TMEM132D: variants seen among roughly 807,000 people sequenced by gnomAD.
TMEM132D encodes transmembrane protein 132D, also known as mature OL transmembrane protein.
TMEM132D carries 21 observed loss-of-function variants against 62.3 expected under a neutral mutation model. The observed-to-expected ratio is 0.34, with a 90% CI of 0.24 to 0.49. The LOEUF is 0.49. TMEM132D is among the 20% of genes least tolerant of loss of function. The probability of loss-of-function intolerance (pLI) is 0.99; values close to 1 mark genes in which losing one functional copy is unlikely to be tolerated. For synonymous variants in TMEM132D, 621 were observed against 575.6 expected (o/e 1.08, Z -1.13); for missense variants, 1,346 against 1,402.8 (o/e 0.96, Z 0.65).
chr12:129,431,278 C>T (rs1398026128), intron 3 of TMEM132D, among the ~76,000 whole-genome samples: 2 of 152,194 alleles, frequency 1.3e-5, no homozygotes, highest in Non-Finnish European at 2.9e-5. Flanking sequence ...CTGTGTTGTT[C>T]CCACTGCCAT....
At chr12:129,740,166 C>T (rs1225683850) in intron 1 of TMEM132D, among the ~76,000 whole-genome samples, 1 of 152,112 alleles carries the variant, frequency 6.6e-6, no homozygotes, top group Non-Finnish European at 1.5e-5. Context: ...TAACACTGAC[C>T]ATATCGTTGT....
intron 4 of TMEM132D, among the ~76,000 whole-genome samples, chr12:129,334,456 A>C (rs777341407): frequency 6.6e-6 from 1 of 150,826 alleles, no homozygotes; most frequent in Non-Finnish European, 1.5e-5. Context: ...CTCTTTTACC[A>C]ACCAAGTCAA....
intron 1 of TMEM132D, among the ~76,000 whole-genome samples, chr12:129,888,546 TA>T (rs765848864): frequency 4.0e-5 from 6 of 151,470 alleles, no homozygotes; most frequent in African/African-American, 7.3e-5. Context: ...AAAAATACAA[TA>T]AAAAAAATTA....
intron 2 of TMEM132D, among the ~76,000 whole-genome samples, chr12:129,672,822 A>G (rs185544678): frequency 1.3e-5 from 2 of 152,308 alleles, no homozygotes; most frequent in Admixed American, 1.3e-4. Context: ...ATCTCGGCTC[A>G]CTGCAACCTC....
intron 4 of TMEM132D, among the ~76,000 whole-genome samples, chr12:129,259,697 T>C (rs1370378095): frequency 2.6e-5 from 4 of 152,102 alleles, no homozygotes; most frequent in African/African-American, 9.7e-5. Flanking sequence ...ACAGACTAAA[T>C]TGGCAGCTGT....
At chr12:129,614,537 T>C (rs899295792) in intron 2 of TMEM132D, among the ~76,000 whole-genome samples, 31 of 152,332 alleles carry the variant, frequency 2.0e-4, no homozygotes, top group African/African-American at 7.2e-4. Flanking sequence ...GTCTGGAGTT[T>C]AAATCCCAAT....
chr12:129,355,546 G>A (rs1209660114), intron 3 of TMEM132D, among the ~76,000 whole-genome samples: 1 of 152,124 alleles, frequency 6.6e-6, no homozygotes, highest in Non-Finnish European at 1.5e-5. Flanking sequence ...GAGAGAAGGC[G>A]AATCTAGTAT....
chr12:129,100,710 T>A (rs1320697774), intron 5 of TMEM132D, among the ~76,000 whole-genome samples: 1 of 152,250 alleles, frequency 6.6e-6, no homozygotes, highest in Non-Finnish European at 1.5e-5. Flanking sequence ...GTGACTTGGA[T>A]AAGCCATCTT....
chr12:129,353,474 T>A (rs1786495102), intron 3 of TMEM132D, among the ~76,000 whole-genome samples: 2 of 152,090 alleles, frequency 1.3e-5, no homozygotes, highest in African/African-American at 4.8e-5. Flanking sequence ...AAGAGTCCCA[T>A]CCTGCCAGCC....
chr12:129,344,932 G>A (rs937252113), intron 3 of TMEM132D, among the ~76,000 whole-genome samples: 2 of 152,102 alleles, frequency 1.3e-5, no homozygotes, highest in Admixed American at 1.3e-4. Context: ...TTAGATAGAT[G>A]TGGTTACGTT....
intron 2 of TMEM132D, among the ~76,000 whole-genome samples, chr12:129,671,166 A>G (rs1317661590): frequency 1.3e-5 from 2 of 152,200 alleles, no homozygotes; most frequent in African/African-American, 2.4e-5. Flanking sequence ...AGGAAAATGG[A>G]AAAGTAAAAA....
chr12:129,797,921 G>C (rs1172241542), intron 1 of TMEM132D, among the ~76,000 whole-genome samples: 1 of 152,192 alleles, frequency 6.6e-6, no homozygotes, highest in Non-Finnish European at 1.5e-5. Context: ...CCCAGTGTTG[G>C]AGGTGGGAAC....
chr12:129,124,821 C>T (rs1237336747), intron 5 of TMEM132D, among the ~76,000 whole-genome samples: 1 of 152,140 alleles, frequency 6.6e-6, no homozygotes, highest in South Asian at 2.1e-4. Context: ...TTTTTGGAAA[C>T]TGCTTGGTCT....
Position 129,089,141 on chromosome 12 carries a change from T to C in TMEM132D, c.1444-4439A>G, listed in dbSNP as rs374558557. Among the ~76,000 whole-genome samples the C allele has an allele frequency of 8.6e-4, 24 of 27,898 alleles. 3 individuals carry two copies. The highest frequency in any genetic ancestry group is 1.6e-3 in the South Asian group (1 of 634). 18.3% of individuals were successfully genotyped at this position (27,898 alleles called of 152,430 possible). A position where few individuals can be genotyped will look rare whatever the true frequency, so the allele number is the denominator to read the frequency against. On this transcript the variant is annotated intron_variant, in intron 5 of 8. Coordinates refer to ENST00000422113, the MANE Select transcript of TMEM132D (RefSeq NM_133448.3). ...GTGTCCTCTATGACCGGGTGTCCTC[T>C]ATGACCGGGTGTCCTCCCTGACCGG...
intron 1 of TMEM132D, among the ~76,000 whole-genome samples, chr12:129,756,314 CA>C (rs1398144191): frequency 2.6e-5 from 4 of 152,158 alleles, no homozygotes; most frequent in Admixed American, 6.5e-5. Context: ...AACTCTGAAT[CA>C]GGCATATCCA....
At chr12:129,813,229 T>TG (rs2137317578) in intron 1 of TMEM132D, among the ~76,000 whole-genome samples, 1 of 151,914 alleles carries the variant, frequency 6.6e-6, no homozygotes, top group East Asian at 2.0e-4. Flanking sequence ...GTCCTCATCT[T>TG]GTTGGTGGAC....
At position 129,570,471 on chromosome 12, in the gene TMEM132D, G is replaced by A. The variant is rs537184804; in HGVS notation, c.969-39266C>T. On this transcript the variant is annotated intron_variant, in intron 2 of 8. Coordinates refer to ENST00000422113, the MANE Select transcript of TMEM132D (RefSeq NM_133448.3). ...GAAAGATGAGGAGTAAGACCTAAAA[G>A]GAACCACAGGTTCGTGACCAAGAAA... Among the ~76,000 whole-genome samples the A allele has an allele frequency of 2.0e-3, 300 of 152,326 alleles. 3 individuals are homozygous for A. Among genetic ancestry groups the A allele is most frequent in the South Asian group, 0.016 (76 of 4,824 alleles).
intron 3 of TMEM132D, among the ~76,000 whole-genome samples, chr12:129,376,294 G>A (rs1313687362): frequency 6.6e-6 from 1 of 152,172 alleles, no homozygotes; most frequent in East Asian, 1.9e-4. Context: ...CATGGTTGGG[G>A]AGGCTGCAGA....
intron 1 of TMEM132D, among the ~76,000 whole-genome samples, chr12:129,705,932 A>C (rs1881496969): frequency 6.6e-6 from 1 of 152,140 alleles, no homozygotes. Flanking sequence ...ATATCAGTAG[A>C]TATGGCTTTA....
Sources: allele counts gnomAD v4.1 joint callset (sites outside exome capture counted in the v4.1 genomes callset), GRCh38; gene constraint gnomAD v4.1.1; transcripts MANE v1.5; gene names NCBI Gene and HGNC (gene_info 2026-07-23, HGNC 2026-07-21).